The following ST6GAL1 variants were observed in gnomAD, a reference collection of about 807,000 sequenced individuals.
The protein encoded by ST6GAL1 is beta-galactoside alpha-2,6-sialyltransferase 1.
In ST6GAL1, 20 loss-of-function variants were observed where a neutral mutation model predicts 38.0. That is an observed-to-expected ratio of 0.53 (90% confidence interval 0.37 to 0.77). ST6GAL1 has a LOEUF of 0.77. Among genes scored for constraint, ST6GAL1 ranks in the 30% least tolerant of loss-of-function variants. The pLI is 0.00. For missense variants in ST6GAL1, 432 were observed against 496.4 expected, an observed-to-expected ratio of 0.87 and a Z score of 1.23; for synonymous variants, 196 against 188.2, an observed-to-expected ratio of 1.04 and a Z score of -0.34.
intron 1 of ST6GAL1, among the ~76,000 whole-genome samples, chr3:186,954,052 G>T (rs1277226994): frequency 6.6e-6 from 1 of 151,964 alleles, no homozygotes; most frequent in Non-Finnish European, 1.5e-5. Context: ...TTATTGTTTA[G>T]CTCCCACTTA....
At chr3:186,960,835 A>G (rs13070687) in intron 1 of ST6GAL1, among the ~76,000 whole-genome samples, 13,378 of 151,562 alleles carry the variant, frequency 0.088, 719 homozygotes, top group Non-Finnish European at 0.12. Flanking sequence ...GCCCGCGGCC[A>G]CTAGACTCAC....
intron 5 of ST6GAL1, among the ~76,000 whole-genome samples, chr3:187,052,414 A>G (rs1718547077): frequency 6.6e-6 from 1 of 152,170 alleles, no homozygotes; most frequent in Admixed American, 6.5e-5. Context: ...CGTCATTTAC[A>G]TTAGGTATTT....
At chr3:186,988,261 G>T (rs931199634) in intron 2 of ST6GAL1, among the ~76,000 whole-genome samples, 2 of 152,096 alleles carry the variant, frequency 1.3e-5, no homozygotes, top group Non-Finnish European at 2.9e-5. Flanking sequence ...TGGTTTACAC[G>T]TAGGGCTTCT....
chr3:187,051,190 T>A (rs965582075), intron 4 of ST6GAL1, 59 bp from the exon 5 acceptor site: 2 of 1,482,708 alleles, frequency 1.3e-6, no homozygotes, highest in Admixed American at 1.7e-5. Flanking sequence ...CTCGTCTTTC[T>A]CTTTTTCTGC....
intron 2 of ST6GAL1, among the ~76,000 whole-genome samples, chr3:187,021,687 A>G (rs895000041): frequency 5.3e-5 from 8 of 149,942 alleles, no homozygotes; most frequent in Admixed American, 4.7e-4. Context: ...GTTGCAGTGA[A>G]TCAAGATCAT....
intron 1 of ST6GAL1, among the ~76,000 whole-genome samples, chr3:186,934,924 G>A (rs1315526653): frequency 2.0e-5 from 3 of 151,900 alleles, no homozygotes; most frequent in East Asian, 1.9e-4. Context: ...CCGCCACCAC[G>A]CCCGGCTAAT....
intron 2 of ST6GAL1, among the ~76,000 whole-genome samples, chr3:187,031,259 A>G (rs939982181): frequency 3.3e-4 from 50 of 152,172 alleles, no homozygotes; most frequent in Non-Finnish European, 4.4e-5. Context: ...TTGCTGAAGA[A>G]CTTCTTGTGC....
At chr3:186,977,521 G>C (rs1472279107) in intron 2 of ST6GAL1, among the ~76,000 whole-genome samples, 1 of 152,184 alleles carries the variant, frequency 6.6e-6, no homozygotes, top group Non-Finnish European at 1.5e-5. Flanking sequence ...GAAAAGCTCA[G>C]AGCTACAAGG....
intron 4 of ST6GAL1, among the ~76,000 whole-genome samples, chr3:187,046,411 C>G (rs1412814260): frequency 6.6e-6 from 1 of 152,062 alleles, no homozygotes. Flanking sequence ...GTACTTAATT[C>G]TAGAGAAGGA....
chr3:187,033,422 A>G (rs1041738523), intron 2 of ST6GAL1, among the ~76,000 whole-genome samples: 5 of 152,210 alleles, frequency 3.3e-5, no homozygotes, highest in African/African-American at 1.2e-4. Context: ...AACAAAGAAT[A>G]AAATAATAAA....
chr3:187,001,970 A>C, intron 2 of ST6GAL1, among the ~76,000 whole-genome samples: 1 of 141,996 alleles, frequency 7.0e-6, no homozygotes, highest in Admixed American at 7.1e-5. Flanking sequence ...AAAAAAAAAA[A>C]ACCCAAAAAC....
At chr3:187,066,524 A>G in intron 5 of ST6GAL1, among the ~76,000 whole-genome samples, 1 of 152,114 alleles carries the variant, frequency 6.6e-6, no homozygotes, top group East Asian at 1.9e-4. Flanking sequence ...TTCAGTCTAT[A>G]ACAGAGGGAA....
intron 2 of ST6GAL1, among the ~76,000 whole-genome samples, chr3:186,975,569 G>A (rs1005282950): frequency 5.9e-5 from 9 of 152,184 alleles, no homozygotes; most frequent in Non-Finnish European, 7.3e-5. Flanking sequence ...CCCTCTGCCT[G>A]TCCACAACTG....
intron 2 of ST6GAL1, among the ~76,000 whole-genome samples, chr3:187,030,812 C>G (rs1717721807): frequency 6.6e-6 from 1 of 152,176 alleles, no homozygotes; most frequent in Admixed American, 6.5e-5. Context: ...GCTACTCACA[C>G]AGTTGTGTGT....
At position 187,075,052 on chromosome 3, in the gene ST6GAL1, G is replaced by T. The variant is rs1719514918; in HGVS notation, c.980-510G>T. Among the ~76,000 whole-genome samples the T allele has an allele frequency of 6.6e-6, 1 of 151,966 alleles. No homozygotes were observed. Among genetic ancestry groups the T allele is most frequent in the African/African-American group, 2.4e-5 (1 of 41,334 alleles). ...GTGCTCCTGTTCCAGCTGTCCCTTT[G>T]CCCAGCTAAGGGAAGAAAAGTCTTC... is the stretch of plus-strand genomic sequence containing the variant. On this transcript the variant is annotated intron_variant, in intron 7 of 7. Coordinates refer to ENST00000169298, the MANE Select transcript of ST6GAL1 (RefSeq NM_173216.2). The surrounding 1 kb of genome is among the most constrained non-coding windows in gnomAD (Gnocchi z 4.1).
At chr3:186,977,290 A>G (rs1046681521) in intron 2 of ST6GAL1, among the ~76,000 whole-genome samples, 6 of 152,020 alleles carry the variant, frequency 3.9e-5, no homozygotes, top group Non-Finnish European at 7.4e-5. Flanking sequence ...GGTTTCCCTT[A>G]GCCACCACCG....
intron 1 of ST6GAL1, among the ~76,000 whole-genome samples, chr3:186,938,001 T>G (rs1296325399): frequency 6.6e-6 from 1 of 152,124 alleles, no homozygotes; most frequent in African/African-American, 2.4e-5. Context: ...TGGAACCCAG[T>G]AGGCGGAGGT....
chr3:187,064,541 A>C (rs762421680), intron 5 of ST6GAL1: 74 of 456,612 alleles, frequency 1.6e-4, no homozygotes, highest in Non-Finnish European at 3.2e-4. Flanking sequence ...CCATTGTGCC[A>C]GGGCTGCGAG....
chr3:187,007,099 G>A (rs1003714511), intron 2 of ST6GAL1, among the ~76,000 whole-genome samples: 2 of 152,170 alleles, frequency 1.3e-5, no homozygotes. Flanking sequence ...AAAAGTAATA[G>A]CAGGCAGGCA....
Sources: allele counts gnomAD v4.1 joint callset (sites outside exome capture counted in the v4.1 genomes callset), GRCh38; gene constraint gnomAD v4.1.1; non-coding constraint Gnocchi (gnomAD v3.1); transcripts MANE v1.5; gene names NCBI Gene and HGNC (gene_info 2026-07-23, HGNC 2026-07-21).